The following DAAM2 variants were observed in gnomAD, a reference collection of about 807,000 sequenced individuals.
DAAM2 encodes disheveled-associated activator of morphogenesis 2.
In DAAM2, 39 loss-of-function variants were observed where a neutral mutation model predicts 120.7. The observed-to-expected ratio is 0.32, with a 90% CI of 0.25 to 0.42. The LOEUF (loss-of-function observed/expected upper bound fraction) is 0.42. Ranked by LOEUF, DAAM2 falls within the 10% of genes least tolerant of loss-of-function variation. The pLI is 1.00. For synonymous variants in DAAM2, 488 were observed against 524.9 expected, an observed-to-expected ratio of 0.93 and a Z score of 0.96; for missense variants, 1,283 against 1,401.7, an observed-to-expected ratio of 0.92 and a Z score of 1.35.
At chr6:39,847,793 A>G (rs1407518949) in intron 1 of DAAM2, among the ~76,000 whole-genome samples, 3 of 151,640 alleles carry the variant, frequency 2.0e-5, no homozygotes, top group Non-Finnish European at 2.9e-5. Flanking sequence ...TTGTCTTCCC[A>G]CCCCATACAG....
chr6:39,887,386 G>A, intron 15 of DAAM2, 100 bp from the exon 16 acceptor site: 1 of 763,658 alleles, frequency 1.3e-6, no homozygotes, highest in Non-Finnish European at 2.2e-6. Context: ...CCTCACACCA[G>A]GAGCATTCCT....
intron 1 of DAAM2, among the ~76,000 whole-genome samples, chr6:39,839,795 G>C (rs1348021556): frequency 6.6e-6 from 1 of 152,258 alleles, no homozygotes; most frequent in Non-Finnish European, 1.5e-5. Flanking sequence ...ACACAGGTGA[G>C]CACAGACTTG....
At chr6:39,900,830 G>A (rs572691667) in intron 23 of DAAM2, among the ~76,000 whole-genome samples, 3 of 152,160 alleles carry the variant, frequency 2.0e-5, no homozygotes, top group South Asian at 4.2e-4. Context: ...AACAGTGCCT[G>A]GCCTATATAA....
At chr6:39,889,949 G>A (rs1765603794) in intron 17 of DAAM2, among the ~76,000 whole-genome samples, 2 of 152,124 alleles carry the variant, frequency 1.3e-5, no homozygotes, top group Admixed American at 6.5e-5. Flanking sequence ...CCAGTATGGT[G>A]AGACCCCATC....
intron 1 of DAAM2, among the ~76,000 whole-genome samples, chr6:39,837,647 G>A (rs1179508040): frequency 1.0e-5 from 1 of 97,806 alleles, no homozygotes; most frequent in Non-Finnish European, 1.7e-5. Context: ...TGGGCAACAA[G>A]AGCGAAACTC....
intron 1 of DAAM2, among the ~76,000 whole-genome samples, chr6:39,843,954 G>C (rs556049968): frequency 6.6e-6 from 1 of 152,212 alleles, no homozygotes; most frequent in East Asian, 1.9e-4. Flanking sequence ...GGCTGTATCT[G>C]AATGTTGGAA....
intron 1 of DAAM2, among the ~76,000 whole-genome samples, chr6:39,813,144 G>A (rs2114075799): frequency 6.6e-6 from 1 of 152,060 alleles, no homozygotes; most frequent in African/African-American, 2.4e-5. Context: ...AGAAGAGGCA[G>A]ATTGTGTGTG....
At chr6:39,875,112 T>G (rs1284567585) in intron 10 of DAAM2, among the ~76,000 whole-genome samples, 2 of 152,124 alleles carry the variant, frequency 1.3e-5, no homozygotes, top group African/African-American at 4.8e-5. Context: ...GGGAGGTGGT[T>G]GACACATCCG....
chr6:39,845,092 A>G (rs954611172), intron 1 of DAAM2, among the ~76,000 whole-genome samples: 1 of 148,564 alleles, frequency 6.7e-6, no homozygotes, highest in African/African-American at 2.5e-5. Context: ...TACAACACAT[A>G]TATACCATAC....
intron 1 of DAAM2, among the ~76,000 whole-genome samples, chr6:39,805,792 T>A (rs1761993698): frequency 6.6e-6 from 1 of 152,124 alleles, no homozygotes; most frequent in South Asian, 2.1e-4. Context: ...GACCTCATGA[T>A]CCACCCGCCT....
At chr6:39,850,210 T>G (rs1001290904) in intron 1 of DAAM2, among the ~76,000 whole-genome samples, 1 of 152,214 alleles carries the variant, frequency 6.6e-6, no homozygotes, top group African/African-American at 2.4e-5. Context: ...ACACATGCTG[T>G]GCTCTTCCTT....
chr6:39,827,281 G>A (rs543662233), intron 1 of DAAM2, among the ~76,000 whole-genome samples: 9 of 152,196 alleles, frequency 5.9e-5, no homozygotes, highest in South Asian at 2.1e-4. Flanking sequence ...CCTGTAAAGC[G>A]GTCTTTAAAT....
intron 21 of DAAM2, chr6:39,897,507 T>A (rs1330869124): frequency 7.7e-6 from 3 of 391,220 alleles, no homozygotes; most frequent in Non-Finnish European, 1.4e-5. Flanking sequence ...GAATAGACAG[T>A]ACACCCTGAG....
At chr6:39,818,688 C>T (rs1762388265) in intron 1 of DAAM2, 1 of 152,138 alleles carries the variant, frequency 6.6e-6, no homozygotes, top group Non-Finnish European at 1.5e-5. Flanking sequence ...GCATTTAAAG[C>T]CCATTTGTGT....
At chr6:39,854,404 C>A (rs767879182) in intron 1 of DAAM2, among the ~76,000 whole-genome samples, 1 of 152,092 alleles carries the variant, frequency 6.6e-6, no homozygotes, top group East Asian at 1.9e-4. Context: ...GGAGCCCTCA[C>A]GATATTTATG....
chr6:39,888,799 C>A (rs1486515728), intron 17 of DAAM2, 36 bp downstream of exon 17: 1 of 1,562,150 alleles, frequency 6.4e-7, no homozygotes, highest in Non-Finnish European at 8.8e-7. Flanking sequence ...GGAACTGAAC[C>A]CAGCGGGCAG....
At chr6:39,864,773 G>A (rs930478616) in intron 4 of DAAM2, among the ~76,000 whole-genome samples, 2 of 152,132 alleles carry the variant, frequency 1.3e-5, no homozygotes, top group African/African-American at 4.8e-5. Context: ...GAAATAAACC[G>A]GGCCAGTACT....
chr6:39,896,255 T>C (rs1471036679), intron 19 of DAAM2, among the ~76,000 whole-genome samples: 5 of 152,024 alleles, frequency 3.3e-5, no homozygotes, highest in Non-Finnish European at 5.9e-5. Context: ...CAGGCTGGAG[T>C]GCAGTGAGGC....
chr6:39,837,663 CAAAAAAAAAAAA>C (rs758751293), intron 1 of DAAM2, among the ~76,000 whole-genome samples: 3 of 41,202 alleles, frequency 7.3e-5, no homozygotes, highest in Non-Finnish European at 8.5e-5. Context: ...AACTCCATCT[CAAAAAAAAAAAA>C]AAAAAAAAAA....
Sources: gnomAD v4.1 joint callset for allele counts (sites outside exome capture counted in the v4.1 genomes callset) on GRCh38, gnomAD v4.1.1 for gene constraint, MANE v1.5 for transcripts, NCBI Gene and HGNC (gene_info 2026-07-23, HGNC 2026-07-21) for gene names.